Variants in KMO observed in about 807,000 individuals in gnomAD.
The protein encoded by KMO is kynurenine 3-monooxygenase.
Under a neutral mutation model 57.8 loss-of-function variants are expected in KMO, and 24 were observed. The ratio of observed to expected loss-of-function variants is 0.42; its 90% confidence interval spans 0.30 to 0.58. KMO has a LOEUF of 0.58. Among genes scored for constraint, KMO ranks in the 20% least tolerant of loss-of-function variants. The probability of loss-of-function intolerance (pLI) is 0.22; values close to 1 mark genes in which losing one functional copy is unlikely to be tolerated. For missense variants in KMO, 483 were observed against 588.2 expected (o/e 0.82, Z 1.85); for synonymous variants, 210 against 193.6 (o/e 1.08, Z -0.70).
chr1:241,586,630 T>C (rs1663000208), intron 10 of KMO, 49 bp from the exon 11 acceptor site: 1 of 1,249,330 alleles, frequency 8.0e-7, no homozygotes, highest in South Asian at 1.3e-5. Context: ...TAAGGGTTTC[T>C]TTTTTATTAT....
At chr1:241,548,721 C>A (rs1194769632) in intron 1 of KMO, 108 bp from the exon 2 acceptor site, 2 of 624,408 alleles carry the variant, frequency 3.2e-6, no homozygotes, top group Non-Finnish European at 5.6e-6. Flanking sequence ...TGACCACACA[C>A]AATGTGAGGC....
At chr1:241,539,907 T>C (rs1378585793) in intron 1 of KMO, among the ~76,000 whole-genome samples, 2 of 152,214 alleles carry the variant, frequency 1.3e-5, no homozygotes, top group African/African-American at 2.4e-5. Flanking sequence ...GTATGCGTCA[T>C]ACAATTGTCT....
At chr1:241,566,324 T>A (rs1662076177) in intron 8 of KMO, among the ~76,000 whole-genome samples, 167 bp from the exon 9 acceptor site, 1 of 152,182 alleles carries the variant, frequency 6.6e-6, no homozygotes, top group South Asian at 2.1e-4. Context: ...TGCAGAGCTT[T>A]TCTTTGGGAG....
rs142743182 is a variant in KMO at position 241,544,999 on chromosome 1, G to A, written c.55-3830G>A. Among the ~76,000 whole-genome samples, 476 of 152,232 alleles carry A rather than the reference G, an allele frequency of 3.1e-3. 1 individual carries two copies. The highest frequency in any genetic ancestry group is 4.7e-3 in the Non-Finnish European group (319 of 68,000). On this transcript the variant is annotated intron_variant, in intron 1 of 14. Coordinates refer to ENST00000366559, the MANE Select transcript of KMO (RefSeq NM_003679.5). The stretch of plus-strand genomic sequence containing the variant: ...TTTGTCTCTTTTTACTAAATAGGGT[G>A]TTTACTGGGCACAAGGACTTATCTT...
Position 241,593,785 on chromosome 1 carries a change from G to A in KMO, c.*1632G>A, listed in dbSNP as rs1663406712. ...AACAAAGAAAAAGAGCTTTGAGTCT[G>A]TAGGGGCAGCAATTTGGGGGAAGCA... On this transcript the variant is annotated 3_prime_UTR_variant, in exon 15 of 15. Coordinates refer to ENST00000366559, the MANE Select transcript of KMO (RefSeq NM_003679.5). 6.5e-6 allele frequency: 1 copy of A among 154,766 alleles called. No homozygotes were observed. The highest frequency in any genetic ancestry group is 6.4e-5 in the Admixed American group (1 of 15,728). 9.6% of individuals were successfully genotyped at this position (154,766 alleles called of 1,614,324 possible).
chr1:241,566,556 T>C lies in KMO; in HGVS notation c.753T>C (p.Asn251=), dbSNP rs1461021050. The change falls in exon 9 of 15, where the codon AAT becomes AAC. Residue 251 remains asparagine, a synonymous_variant. Coordinates refer to ENST00000366559, the MANE Select transcript of KMO (RefSeq NM_003679.5). The part of the protein sequence containing the change: ...FEEFEKLLTS[N]DVVDFFQKYF... ...AGTTTGAAAAACTTCTAACCAGTAATGATGTGGTAGATTTCTTCCAGAAAT... is the reference window on the plus strand; with the variant it reads ...AGTTTGAAAAACTTCTAACCAGTAACGATGTGGTAGATTTCTTCCAGAAAT... The C allele has an allele frequency of 1.9e-6, 3 of 1,613,702 alleles. No homozygotes were observed. The highest frequency in any genetic ancestry group is 2.7e-5 in the African/African-American group (2 of 75,032).
rs763533428 is a variant in KMO, at chr1:241,555,603, T to C, written c.313-9T>C. ...GAAACAAACAGTATCTACTCTACTT[T>C]TCTTGCAGTATATTCTTTCTGTAAG... On this transcript the variant is annotated splice_polypyrimidine_tract_variant and intron_variant, in intron 4 of 14. Coordinates refer to ENST00000366559, the MANE Select transcript of KMO (RefSeq NM_003679.5). The C allele has an allele frequency of 2.7e-5, 41 of 1,502,872 alleles. No individual in the cohort carries two copies. The East Asian group carries it at 9.0e-4, about 33-fold the overall frequency. 93.1% of individuals were successfully genotyped at this position (1,502,872 alleles called of 1,614,324 possible). A position where few individuals can be genotyped will look rare whatever the true frequency, so the allele number is the denominator to read the frequency against.
chr1:241,592,567 T>C lies in KMO; in HGVS notation c.*414T>C, dbSNP rs552838410. On this transcript the variant is annotated 3_prime_UTR_variant, in exon 15 of 15. Transcript: ENST00000366559. Reference sequence around the variant, plus strand: ...CTAGCATGTTAACTGCACTTTTCATTACGTGAATGGAACTTACCTAACCAC... The same window carrying C: ...CTAGCATGTTAACTGCACTTTTCATCACGTGAATGGAACTTACCTAACCAC... 1.2e-5 allele frequency: 2 copies of C among 173,708 alleles called. No homozygotes were observed. The highest frequency in any genetic ancestry group is 6.0e-5 in the Admixed American group (1 of 16,738). The allele number at this position is 173,708 out of a possible 1,614,324, so 10.8% of individuals were successfully genotyped here. A position where few individuals can be genotyped will look rare whatever the true frequency, so the allele number is the denominator to read the frequency against.
intron 7 of KMO, among the ~76,000 whole-genome samples, 199 bp downstream of exon 7, chr1:241,562,531 C>A (rs1461158416): frequency 2.0e-5 from 3 of 152,168 alleles, no homozygotes; most frequent in Non-Finnish European, 4.4e-5. Flanking sequence ...GTTTGATATG[C>A]TTTCTGGAGT....
chr1:241,568,668 T>C (rs1386690865), intron 10 of KMO, 21 bp downstream of exon 10: 1 of 1,610,092 alleles, frequency 6.2e-7, no homozygotes, highest in Admixed American at 1.7e-5. Context: ...TTTCCCTAGG[T>C]AAGTCCCTCA....
At chr1:241,545,107 A>G (rs1483048020) in intron 1 of KMO, among the ~76,000 whole-genome samples, 1 of 152,200 alleles carries the variant, frequency 6.6e-6, no homozygotes, top group East Asian at 1.9e-4. Context: ...CTTGGTTACA[A>G]ACTTTACTTA....
chr1:241,541,813 A>G lies in KMO; in HGVS notation c.55-7016A>G, dbSNP rs545347782. Among the ~76,000 whole-genome samples the G allele has an allele frequency of 7.9e-5, 12 of 152,328 alleles. No homozygotes were observed. The South Asian group carries it at 2.3e-3, about 29-fold the overall frequency. ...TCTCATTGCATTGATATACCCAAAG[A>G]TCAAAATCTTGAGACGTCAAACTAT... is the stretch of plus-strand genomic sequence containing the variant. On this transcript the variant is annotated intron_variant, in intron 1 of 14. Coordinates refer to ENST00000366559, the MANE Select transcript of KMO (RefSeq NM_003679.5).
At chr1:241,548,278 A>T (rs1050435886) in intron 1 of KMO, among the ~76,000 whole-genome samples, 2 of 152,202 alleles carry the variant, frequency 1.3e-5, no homozygotes, top group Admixed American at 6.5e-5. Context: ...AAAAAAACTT[A>T]AAAAATTTTT....
At chr1:241,586,655 T>G in intron 10 of KMO, 24 bp from the exon 11 acceptor site, 1 of 1,487,282 alleles carries the variant, frequency 6.7e-7, no homozygotes, top group Non-Finnish European at 9.2e-7. Context: ...AGTTTCTTAT[T>G]TCTCTTTTTT....
In KMO at chr1:241,573,392, A is replaced by AT. The variant is rs560232600; in HGVS notation, c.957+4750dup. 1.5e-3 allele frequency among the ~76,000 whole-genome samples: 233 copies of AT among 152,148 alleles called. 1 individual carries two copies. Among genetic ancestry groups the AT allele is most frequent in the Middle Eastern group, 3.4e-3 (1 of 294 alleles). On this transcript the variant is annotated intron_variant, in intron 10 of 14. Transcript: ENST00000366559. ...AGTTTCTCCTAGGTTATATTCTAGA[A>AT]TTTTTATGGTTTCAGGTCTTAGGTT...
chr1:241,548,971 C>A, intron 2 of KMO, 73 bp downstream of exon 2: 1 of 954,476 alleles, frequency 1.0e-6, no homozygotes, highest in Non-Finnish European at 1.7e-6. Context: ...GGCCAGGGCA[C>A]ATGGATCGCT....
intron 10 of KMO, among the ~76,000 whole-genome samples, chr1:241,577,624 G>A (rs1573932531): frequency 6.6e-6 from 1 of 152,186 alleles, no homozygotes; most frequent in East Asian, 1.9e-4. Context: ...GGTTGGAATG[G>A]TAGAGATATT....
rs1010250341 is a variant in KMO at position 241,594,300 on chromosome 1, G to A, written c.*2147G>A. ...AGGCCCAAGAGCATATGGGCAATTCGGATTTCCTGCTGGACCACAAGGTTC... is the reference window on the plus strand; with the variant it reads ...AGGCCCAAGAGCATATGGGCAATTCAGATTTCCTGCTGGACCACAAGGTTC... On this transcript the variant is annotated 3_prime_UTR_variant, in exon 15 of 15. Transcript: ENST00000366559. The A allele has an allele frequency of 1.6e-5, 17 of 1,064,514 alleles. No individual in the cohort carries two copies. Among genetic ancestry groups the A allele is most frequent in the East Asian group, 4.8e-5 (2 of 41,610 alleles). 65.9% of individuals were successfully genotyped at this position (1,064,514 alleles called of 1,614,324 possible).
intron 1 of KMO, among the ~76,000 whole-genome samples, chr1:241,541,857 G>A (rs1414149221): frequency 1.3e-5 from 2 of 151,992 alleles, no homozygotes; most frequent in East Asian, 1.9e-4. Flanking sequence ...GACCAAATAT[G>A]GATTTCAACA....
Sources: gnomAD v4.1 joint callset for allele counts (sites outside exome capture counted in the v4.1 genomes callset) on GRCh38, gnomAD v4.1.1 for gene constraint, MANE v1.5 for transcripts, NCBI Gene and HGNC (gene_info 2026-07-23, HGNC 2026-07-21) for gene names.